Variants in SLC4A4 observed in about 807,000 individuals in gnomAD.
SLC4A4 encodes solute carrier family 4 member 4, also known as electrogenic sodium bicarbonate cotransporter 1.
In SLC4A4, 27 loss-of-function variants were observed where a neutral mutation model predicts 111.5. The ratio of observed to expected loss-of-function variants is 0.24; its 90% CI spans 0.18 to 0.33. The LOEUF is 0.33. SLC4A4 is among the 10% of genes least tolerant of loss of function. The pLI is 1.00. For missense variants in SLC4A4, 909 were observed against 1,315.5 expected, an observed-to-expected ratio of 0.69 and a Z score of 4.78; for synonymous variants, 443 against 463.4, an observed-to-expected ratio of 0.96 and a Z score of 0.57.
intron 14 of SLC4A4, among the ~76,000 whole-genome samples, chr4:71,484,277 C>T (rs34861074): frequency 0.55 from 83,119 of 151,612 alleles, 26,481 homozygotes; most frequent in Non-Finnish European, 0.73. Context: ...GTATTGCCTA[C>T]GTTGTCTTCT....
At chr4:71,126,880 A>T (rs1277681166) in intron 2 of SLC4A4, among the ~76,000 whole-genome samples, 1 of 152,220 alleles carries the variant, frequency 6.6e-6, no homozygotes, top group African/African-American at 2.4e-5. Context: ...ACACATTCAT[A>T]TATGAGATGA....
intron 1 of SLC4A4, among the ~76,000 whole-genome samples, chr4:71,085,823 A>C (rs183193725): frequency 5.3e-5 from 8 of 151,470 alleles, no homozygotes; most frequent in African/African-American, 1.7e-4. Context: ...AGTATAGTTC[A>C]AAGTCAGGTA....
intron 18 of SLC4A4, among the ~76,000 whole-genome samples, chr4:71,536,589 G>A (rs769067997): frequency 6.0e-5 from 9 of 149,196 alleles, no homozygotes; most frequent in African/African-American, 1.5e-4. Context: ...TTCTGCCTCC[G>A]GGGTTCAAGT....
At chr4:71,523,675 T>G (rs1560585750) in intron 16 of SLC4A4, among the ~76,000 whole-genome samples, 1 of 152,234 alleles carries the variant, frequency 6.6e-6, no homozygotes, top group East Asian at 1.9e-4. Context: ...ATCCCTGCAC[T>G]AACACAAAAT....
chr4:71,255,115 A>T, intron 2 of SLC4A4, 105 bp from the exon 3 acceptor site: 2 of 1,087,498 alleles, frequency 1.8e-6, no homozygotes, highest in Non-Finnish European at 2.8e-6. Context: ...TAGAATGGTA[A>T]CGTTGAATTT....
At chr4:71,113,889 C>A (rs889559978) in intron 2 of SLC4A4, among the ~76,000 whole-genome samples, 3 of 152,130 alleles carry the variant, frequency 2.0e-5, no homozygotes, top group African/African-American at 7.2e-5. Context: ...TGGGAGATAT[C>A]TTTCTATAAA....
At chr4:71,538,871 G>T (rs1316990286) in intron 18 of SLC4A4, among the ~76,000 whole-genome samples, 1 of 152,020 alleles carries the variant, frequency 6.6e-6, no homozygotes, top group Non-Finnish European at 1.5e-5. Flanking sequence ...GCAAGCCAGG[G>T]TCAGCAAGGT....
intron 2 of SLC4A4, among the ~76,000 whole-genome samples, chr4:71,095,020 C>T (rs1742501532): frequency 6.6e-6 from 1 of 152,124 alleles, no homozygotes; most frequent in Admixed American, 6.5e-5. Context: ...TCAGTAAAAC[C>T]ATATGTGTTA....
intron 12 of SLC4A4, among the ~76,000 whole-genome samples, chr4:71,459,871 G>A (rs540540072): frequency 6.6e-6 from 1 of 152,114 alleles, no homozygotes; most frequent in East Asian, 1.9e-4. Flanking sequence ...TCTGTGGGTT[G>A]AAAAATAATG....
intron 2 of SLC4A4, among the ~76,000 whole-genome samples, chr4:71,240,536 T>G (rs1299350762): frequency 1.3e-5 from 2 of 152,186 alleles, no homozygotes; most frequent in Non-Finnish European, 2.9e-5. Context: ...CTTAATGCAG[T>G]GGGAAGTATG....
chr4:71,396,153 A>G (rs1171029693), intron 6 of SLC4A4, among the ~76,000 whole-genome samples: 1 of 152,222 alleles, frequency 6.6e-6, no homozygotes, highest in African/African-American at 2.4e-5. Context: ...AATTTTGCAC[A>G]TAAAGCACAT....
intron 1 of SLC4A4, among the ~76,000 whole-genome samples, chr4:71,069,806 A>T (rs1356080543): frequency 2.0e-5 from 3 of 152,282 alleles, no homozygotes; most frequent in Admixed American, 1.3e-4. Flanking sequence ...AACCTCCCTA[A>T]GTTCCCACAC....
chr4:71,069,301 A>G (rs1413678680), intron 1 of SLC4A4, among the ~76,000 whole-genome samples: 10 of 152,186 alleles, frequency 6.6e-5, no homozygotes, highest in Non-Finnish European at 2.9e-5. Flanking sequence ...CTGCCTTTCT[A>G]TGGAACATGG....
intron 3 of SLC4A4, among the ~76,000 whole-genome samples, chr4:71,279,565 G>T (rs1723340623): frequency 6.6e-6 from 1 of 152,076 alleles, no homozygotes; most frequent in Non-Finnish European, 1.5e-5. Flanking sequence ...GGTGAATAAT[G>T]TTGCATTGAA....
intron 2 of SLC4A4, among the ~76,000 whole-genome samples, chr4:71,152,552 T>C (rs575468364): frequency 1.3e-5 from 2 of 152,318 alleles, no homozygotes; most frequent in Non-Finnish European, 2.9e-5. Flanking sequence ...TATGCAGCAA[T>C]TTATTTACTG....
chr4:71,505,029 C>T (rs769535337), intron 16 of SLC4A4, among the ~76,000 whole-genome samples: 26 of 152,158 alleles, frequency 1.7e-4, no homozygotes, highest in Non-Finnish European at 2.9e-4. Flanking sequence ...TGGCCCCTAG[C>T]TCCATCCATG....
At chr4:71,201,316 A>G (rs1746238891) in intron 1 of SLC4A4, among the ~76,000 whole-genome samples, 1 of 152,146 alleles carries the variant, frequency 6.6e-6, no homozygotes, top group South Asian at 2.1e-4. Context: ...TTATCCCACA[A>G]CAACTGGTCA....
intron 7 of SLC4A4, chr4:71,434,686 CA>C (rs1311118385): frequency 3.9e-5 from 6 of 151,946 alleles, no homozygotes; most frequent in African/African-American, 1.4e-4. Context: ...ATCTCAGGCC[CA>C]AATCTCCTCA....
intron 6 of SLC4A4, among the ~76,000 whole-genome samples, chr4:71,359,863 A>T (rs1730607719): frequency 6.6e-6 from 1 of 152,174 alleles, no homozygotes. Context: ...GCTACAAAAT[A>T]GATTCAGTGA....
Sources: gnomAD v4.1 joint callset for allele counts (sites outside exome capture counted in the v4.1 genomes callset) on GRCh38, gnomAD v4.1.1 for gene constraint, MANE v1.5 for transcripts, NCBI Gene and HGNC (gene_info 2026-07-23, HGNC 2026-07-21) for gene names.